The following SLIT3 variants were observed in gnomAD, a reference collection of about 807,000 sequenced individuals.
SLIT3 encodes the protein slit homolog 3 protein.
A neutral mutation model predicts 184.0 loss-of-function variants in SLIT3; 68 were observed. That is an observed-to-expected ratio of 0.37 (90% confidence interval 0.30 to 0.45). The LOEUF (loss-of-function observed/expected upper bound fraction) is 0.45. SLIT3 is among the 20% of genes least tolerant of loss of function. The pLI, the probability that SLIT3 is intolerant of heterozygous loss-of-function variation, is 1.00. For missense variants in SLIT3, 1,707 were observed against 2,026.0 expected, an observed-to-expected ratio of 0.84 and a Z score of 3.02; for synonymous variants, 831 against 828.6, an observed-to-expected ratio of 1.00 and a Z score of -0.05.
intron 4 of SLIT3, among the ~76,000 whole-genome samples, chr5:169,064,697 T>C (rs753805004): frequency 1.3e-5 from 2 of 152,226 alleles, no homozygotes; most frequent in East Asian, 1.9e-4. Context: ...TCAGTCCGGC[T>C]CTTCTCTGTG....
chr5:168,751,565 A>G (rs1458464005), intron 18 of SLIT3, among the ~76,000 whole-genome samples: 2 of 152,184 alleles, frequency 1.3e-5, no homozygotes, highest in Non-Finnish European at 2.9e-5. Context: ...AGGCACAGCC[A>G]GGATCTGAAC....
At chr5:169,031,909 A>AT (rs946804472) in intron 4 of SLIT3, among the ~76,000 whole-genome samples, 2 of 152,158 alleles carry the variant, frequency 1.3e-5, no homozygotes, top group Non-Finnish European at 2.9e-5. Context: ...CCCTTGAGGG[A>AT]TTTTTTAATT....
chr5:168,782,552 AG>A (rs1182774572), intron 12 of SLIT3, among the ~76,000 whole-genome samples: 1 of 152,186 alleles, frequency 6.6e-6, no homozygotes, highest in Non-Finnish European at 1.5e-5. Context: ...CTGGGTGGGC[AG>A]GGGAAGGTAG....
chr5:169,007,765 A>G, intron 4 of SLIT3, among the ~76,000 whole-genome samples: 1 of 152,216 alleles, frequency 6.6e-6, no homozygotes, highest in East Asian at 1.9e-4. Flanking sequence ...ATGCAGTTAT[A>G]ATGCAGGTAC....
chr5:169,133,609 G>C (rs963305429), intron 4 of SLIT3, among the ~76,000 whole-genome samples: 6 of 152,324 alleles, frequency 3.9e-5, no homozygotes, highest in African/African-American at 9.6e-5. Flanking sequence ...TAGATTAAGG[G>C]GGAGGGAGAG....
chr5:169,022,951 G>C (rs1756659744), intron 4 of SLIT3: 1 of 151,662 alleles, frequency 6.6e-6, no homozygotes, highest in African/African-American at 2.4e-5. Flanking sequence ...CAGGTAATAA[G>C]AAAAAAAATA....
chr5:168,886,470 T>A (rs2113798132), intron 4 of SLIT3, among the ~76,000 whole-genome samples: 1 of 152,286 alleles, frequency 6.6e-6, no homozygotes, highest in Non-Finnish European at 1.5e-5. Context: ...CATTTTCCAC[T>A]GACACTTAAA....
chr5:169,106,084 T>G (rs1760196845), intron 4 of SLIT3, among the ~76,000 whole-genome samples: 1 of 151,966 alleles, frequency 6.6e-6, no homozygotes, highest in Non-Finnish European at 1.5e-5. Flanking sequence ...TCAGGAAGAA[T>G]AGCTAATGAA....
chr5:168,919,796 T>C (rs1010106250), intron 4 of SLIT3, among the ~76,000 whole-genome samples: 1 of 152,306 alleles, frequency 6.6e-6, no homozygotes, highest in East Asian at 1.9e-4. Context: ...AGTAACATTA[T>C]GTTTTGGATT....
chr5:168,774,709 G>C (rs1023743420), intron 12 of SLIT3, among the ~76,000 whole-genome samples: 16 of 150,560 alleles, frequency 1.1e-4, no homozygotes, highest in African/African-American at 3.9e-4. Flanking sequence ...AGAGCTTCCA[G>C]GAATTGGAAA....
intron 4 of SLIT3, among the ~76,000 whole-genome samples, chr5:169,085,698 T>C (rs1031857011): frequency 1.3e-5 from 2 of 152,162 alleles, no homozygotes; most frequent in Non-Finnish European, 2.9e-5. Flanking sequence ...AGACAAATCG[T>C]CGTCTTAAAG....
intron 4 of SLIT3, among the ~76,000 whole-genome samples, chr5:169,061,306 C>T (rs912866829): frequency 6.6e-6 from 1 of 152,196 alleles, no homozygotes; most frequent in African/African-American, 2.4e-5. Flanking sequence ...CGATGTCTCT[C>T]TGTGCTGGAA....
At chr5:168,866,149 C>T (rs979579407) in intron 5 of SLIT3, among the ~76,000 whole-genome samples, 1 of 152,086 alleles carries the variant, frequency 6.6e-6, no homozygotes, top group Non-Finnish European at 1.5e-5. Context: ...CGCAGCCTAG[C>T]CGGGGTCATG....
At chr5:169,089,618 C>T (rs922085826) in intron 4 of SLIT3, among the ~76,000 whole-genome samples, 1 of 152,188 alleles carries the variant, frequency 6.6e-6, no homozygotes, top group Admixed American at 6.5e-5. Context: ...GTGGGTTCAC[C>T]AGTCACACTG....
intron 33 of SLIT3, 32 bp from the exon 34 acceptor site, chr5:168,671,515 A>C (rs761917475): frequency 6.3e-7 from 1 of 1,588,886 alleles, no homozygotes; most frequent in South Asian, 1.1e-5. Flanking sequence ...AGTGGCCTGA[A>C]GACCCTCCCC....
At chr5:168,767,814 G>A (rs569789010) in intron 14 of SLIT3, among the ~76,000 whole-genome samples, 6 of 152,290 alleles carry the variant, frequency 3.9e-5, no homozygotes, top group African/African-American at 1.4e-4. Flanking sequence ...GAAACCATGG[G>A]GCGTATGCCT....
chr5:168,963,084 G>A (rs537475501), intron 4 of SLIT3, among the ~76,000 whole-genome samples: 46 of 152,326 alleles, frequency 3.0e-4, no homozygotes, highest in South Asian at 2.3e-3. Flanking sequence ...TTGGCGAGGG[G>A]TTGGCGAACT....
intron 4 of SLIT3, among the ~76,000 whole-genome samples, chr5:169,084,111 C>T (rs143077284): frequency 1.7e-3 from 266 of 152,104 alleles, no homozygotes; most frequent in Non-Finnish European, 2.8e-3. Flanking sequence ...TCAGTTTGGC[C>T]GAGAGCGGGA....
chr5:169,268,892 G>T (rs1240925104), intron 1 of SLIT3, among the ~76,000 whole-genome samples: 1 of 151,924 alleles, frequency 6.6e-6, no homozygotes, highest in Non-Finnish European at 1.5e-5. Flanking sequence ...CATCTCCCCT[G>T]AAATATTACA....
Sources: gnomAD v4.1 joint callset for allele counts (sites outside exome capture counted in the v4.1 genomes callset) on GRCh38, gnomAD v4.1.1 for gene constraint, MANE v1.5 for transcripts, NCBI Gene and HGNC (gene_info 2026-07-23, HGNC 2026-07-21) for gene names.